Variants in LPIN1 observed in about 807,000 individuals in gnomAD.
LPIN1 encodes the protein lipin 1.
A neutral mutation model predicts 107.5 loss-of-function variants in LPIN1; 71 were observed. That is an observed-to-expected ratio of 0.66 (90% CI 0.55 to 0.80). LPIN1 has a LOEUF of 0.80. Ranked by LOEUF, LPIN1 falls within the 30% of genes least tolerant of loss-of-function variation. The pLI is 0.00. For missense variants in LPIN1, 1,043 were observed against 1,160.6 expected, an observed-to-expected ratio of 0.90 and a Z score of 1.47; for synonymous variants, 445 against 452.6, an observed-to-expected ratio of 0.98 and a Z score of 0.21.
chr2:11,769,754 G>A (rs1424121916), intron 3 of LPIN1, among the ~76,000 whole-genome samples: 1 of 152,140 alleles, frequency 6.6e-6, no homozygotes, highest in Non-Finnish European at 1.5e-5. Context: ...TAACTCTTTT[G>A]TTCACAGATG....
intron 9 of LPIN1, 169 bp from the exon 10 acceptor site, chr2:11,784,717 G>T: frequency 7.0e-6 from 5 of 715,784 alleles, no homozygotes; most frequent in Admixed American, 6.0e-5. Flanking sequence ...CTAAGCTAAG[G>T]CGTTTAATGT....
chr2:11,695,980 T>C (rs7601181), intron 1 of LPIN1, among the ~76,000 whole-genome samples: 21,536 of 151,522 alleles, frequency 0.14, 4,626 homozygotes, highest in African/African-American at 0.47. Flanking sequence ...GGCCAGGCCC[T>C]TTCCCACTGC....
rs1678153160 is a variant in LPIN1, at chr2:11,803,600, T to C, written c.2013+567T>C. Among the ~76,000 whole-genome samples, 1 of 152,186 alleles carries C rather than the reference T, an allele frequency of 6.6e-6. No individual in the cohort carries two copies. The highest frequency in any genetic ancestry group is 2.4e-5 in the African/African-American group (1 of 41,442). ...TTTTTTGTGAATCAAGTCTTGTGCA[T>C]TTCTCCTAAGAGTTAGTGGGGAGCC... On this transcript the variant is annotated intron_variant, in intron 15 of 20. Transcript: ENST00000674199. This position sits in a 1 kb window ranked among gnomAD's most constrained non-coding sequence, Gnocchi z 4.2.
At chr2:11,751,552 A>AT (rs1667789385) in intron 1 of LPIN1, among the ~76,000 whole-genome samples, 1 of 152,256 alleles carries the variant, frequency 6.6e-6, no homozygotes, top group East Asian at 1.9e-4. Context: ...TACAAATGTA[A>AT]TTTTTTAAAA....
At chr2:11,766,234 T>C (rs1337208528) in intron 2 of LPIN1, among the ~76,000 whole-genome samples, 3 of 152,176 alleles carry the variant, frequency 2.0e-5, no homozygotes, top group Non-Finnish European at 2.9e-5. Context: ...TGCTGGAGCT[T>C]ATGGCCTAGC....
intron 11 of LPIN1, 45 bp downstream of exon 11, chr2:11,787,212 T>A: frequency 7.9e-7 from 1 of 1,258,484 alleles, no homozygotes; most frequent in Non-Finnish European, 1.2e-6. Flanking sequence ...ATGATACTGT[T>A]TCTGTTTCAT....
chr2:11,751,847 G>A (rs535745714), intron 1 of LPIN1, among the ~76,000 whole-genome samples: 1 of 152,210 alleles, frequency 6.6e-6, no homozygotes, highest in South Asian at 2.1e-4. Context: ...GCGAAACTCC[G>A]TCTCAAAACA....
rs1393243238 is a variant in LPIN1 at position 11,751,483 on chromosome 2, T to G, written c.-10+4812T>G. Reference sequence around the variant, plus strand: ...CAGGCTGGTCCCCAGGGGTGAATCTTGTGAATCTTGTTTTGTATGTATCTC... The same window carrying G: ...CAGGCTGGTCCCCAGGGGTGAATCTGGTGAATCTTGTTTTGTATGTATCTC... On this transcript the variant is annotated intron_variant, in intron 1 of 20. Coordinates refer to ENST00000674199, the MANE Select transcript of LPIN1 (RefSeq NM_001349206.2). Among the ~76,000 whole-genome samples, 5 of 152,246 alleles carry G rather than the reference T, an allele frequency of 3.3e-5. No homozygotes were observed. In the South Asian group the frequency reaches 1.0e-3, roughly 32 times the overall value.
chr2:11,759,421 A>T (rs1019997471), intron 1 of LPIN1, among the ~76,000 whole-genome samples: 1 of 152,126 alleles, frequency 6.6e-6, no homozygotes, highest in African/African-American at 2.4e-5. Context: ...CTGTTTAACA[A>T]AGCACATCTT....
chr2:11,721,034 GC>G (rs990310494), upstream of LPIN1, among the ~76,000 whole-genome samples: 1 of 152,064 alleles, frequency 6.6e-6, no homozygotes, highest in Admixed American at 6.5e-5. Flanking sequence ...TCTAGACTGT[GC>G]TGTACTCTGC....
chr2:11,775,314 A>G (rs79099691), intron 5 of LPIN1, among the ~76,000 whole-genome samples: 1 of 152,346 alleles, frequency 6.6e-6, no homozygotes, highest in East Asian at 1.9e-4. Flanking sequence ...AAAATAATGT[A>G]GAATATTTAG....
At chr2:11,811,945 A>G (rs1022665540) in intron 17 of LPIN1, among the ~76,000 whole-genome samples, 1 of 152,210 alleles carries the variant, frequency 6.6e-6, no homozygotes, top group East Asian at 1.9e-4. Flanking sequence ...AGATCGTGCC[A>G]CTGCACTCCA....
At chr2:11,802,541 C>T (rs536989052) in intron 14 of LPIN1, among the ~76,000 whole-genome samples, 2 of 152,234 alleles carry the variant, frequency 1.3e-5, no homozygotes, top group African/African-American at 4.8e-5. Flanking sequence ...GGACTCCTAG[C>T]GCTTGGCATG....
intron 1 of LPIN1, among the ~76,000 whole-genome samples, chr2:11,711,807 G>A (rs114596063): frequency 0.041 from 6,267 of 152,178 alleles, 443 homozygotes; most frequent in African/African-American, 0.14. Context: ...TCCTCCATGC[G>A]GAGGTCAGTG....
intron 12 of LPIN1, among the ~76,000 whole-genome samples, chr2:11,790,810 A>G (rs192065047): frequency 2.0e-4 from 30 of 152,196 alleles, no homozygotes; most frequent in Admixed American, 1.8e-3. Context: ...TTTAGTTACC[A>G]TATATTTTGG....
intron 18 of LPIN1, among the ~76,000 whole-genome samples, chr2:11,815,443 A>G (rs990701203): frequency 6.6e-6 from 1 of 152,196 alleles, no homozygotes; most frequent in Non-Finnish European, 1.5e-5. Flanking sequence ...GTCCAGACTC[A>G]GGAGCTTGGC....
chr2:11,734,608 C>A lies in LPIN1; in HGVS notation c.-71-6741C>A, dbSNP rs112260377. On this transcript the variant is annotated intron_variant, in intron 1 of 21. Transcript: ENST00000396097. ...TTTGCATCTTGGAGCAAGTCTCCTG[C>A]CAGATAGGCTCTCTTTTACCTTCTC... 5.3e-5 allele frequency among the ~76,000 whole-genome samples: 8 copies of A among 152,284 alleles called. 1 individual carries two copies. Among genetic ancestry groups the A allele is most frequent in the African/African-American group, 1.9e-4 (8 of 41,552 alleles).
rs574995414 is a variant in LPIN1 at position 11,717,887 on chromosome 2, C to T, written c.138+4075C>T. The stretch of plus-strand genomic sequence containing the variant: ...TTCAAACCCACAGATGTCCAGAGAC[C>T]TTGTTCTTAAGCACTATTCTACCTC... On this transcript the variant is annotated intron_variant, in intron 2 of 21. Coordinates refer to the LPIN1 transcript ENST00000449576. Among the ~76,000 whole-genome samples the T allele has an allele frequency of 6.6e-5, 10 of 152,284 alleles. No individual in the cohort carries two copies. In the East Asian group the frequency reaches 1.9e-3, roughly 29 times the overall value.
In LPIN1 at chr2:11,820,385, C is replaced by T. The variant is rs769264111; in HGVS notation, c.2518-26C>T. On this transcript the variant is annotated intron_variant, in intron 19 of 20. Transcript: ENST00000674199. ...ACAATGAACTCTTTTCTAATGAACA[C>T]TTTAAATCACCTTTACCAAATATAG... 2.7e-6 allele frequency: 4 copies of T among 1,460,620 alleles called. No homozygotes were observed. In the South Asian group the frequency reaches 4.5e-5, roughly 17 times the overall value. 90.5% of individuals were successfully genotyped at this position (1,460,620 alleles called of 1,614,324 possible).
Sources: allele counts gnomAD v4.1 joint callset (sites outside exome capture counted in the v4.1 genomes callset), GRCh38; gene constraint gnomAD v4.1.1; non-coding constraint Gnocchi (gnomAD v3.1); transcripts MANE v1.5; gene names NCBI Gene and HGNC (gene_info 2026-07-23, HGNC 2026-07-21).